Variants in LYPLA1 observed in about 807,000 individuals in gnomAD.
LYPLA1 encodes acyl-protein thioesterase 1.
In LYPLA1, 17 loss-of-function variants were observed where a neutral mutation model predicts 34.0. The observed-to-expected ratio is 0.50, with a 90% CI of 0.34 to 0.75. LYPLA1 has a LOEUF of 0.75. Among genes scored for constraint, LYPLA1 ranks in the 30% least tolerant of loss-of-function variants. LYPLA1 has a pLI of 0.01. For missense variants in LYPLA1, 203 were observed against 288.8 expected (o/e 0.70, Z 2.15); for synonymous variants, 98 against 100.8 (o/e 0.97, Z 0.17).
chr8:54,046,243 C>T (rs1321686022), downstream of LYPLA1: 1 of 152,036 alleles, frequency 6.6e-6, no homozygotes, highest in Non-Finnish European at 1.5e-5. Context: ...TCTAAGTCAA[C>T]CACACCATCA....
At chr8:54,052,966 C>T (rs919577248) in intron 6 of LYPLA1, 42 of 483,396 alleles carry the variant, frequency 8.7e-5, no homozygotes, top group Admixed American at 1.6e-4. Context: ...ACTTCCTTTC[C>T]GACGAGACAT....
intron 2 of LYPLA1, among the ~76,000 whole-genome samples, chr8:54,096,627 C>T (rs59277432): frequency 0.13 from 19,760 of 152,010 alleles, 3,407 homozygotes; most frequent in African/African-American, 0.4. Context: ...CCTGTAATCC[C>T]AGCTACTCAT....
chr8:54,057,617 A>T (rs1252539668), intron 5 of LYPLA1, among the ~76,000 whole-genome samples: 1 of 152,182 alleles, frequency 6.6e-6, no homozygotes, highest in Non-Finnish European at 1.5e-5. Flanking sequence ...AACTAACTGA[A>T]CTAACAGACA....
intron 2 of LYPLA1, among the ~76,000 whole-genome samples, chr8:54,074,003 G>A (rs1807692135): frequency 6.6e-6 from 1 of 152,162 alleles, no homozygotes; most frequent in African/African-American, 2.4e-5. Context: ...AGCCAGGTGT[G>A]GTGACTCATG....
At position 54,100,847 on chromosome 8, in the gene LYPLA1, G is replaced by A. The variant is rs928341252; in HGVS notation, c.101+61C>T. The A allele has an allele frequency of 3.9e-5, 53 of 1,372,800 alleles. No individual in the cohort carries two copies. In the Admixed American group the frequency reaches 4.2e-4, roughly 11 times the overall value. 85.0% of individuals were successfully genotyped at this position (1,372,800 alleles called of 1,614,324 possible). ...CCTTAAACATTAAACCTTTGAACGC[G>A]TAAACAAAAGTTGCATGACCCAGTT... On this transcript the variant is annotated intron_variant, in intron 2 of 8. Coordinates refer to ENST00000316963, the MANE Select transcript of LYPLA1 (RefSeq NM_006330.4).
At position 54,047,522 on chromosome 8, in the gene LYPLA1, T is replaced by C. The variant is rs1294845559; in HGVS notation, c.*543A>G. The C allele has an allele frequency of 1.1e-4, 17 of 152,106 alleles. No homozygotes were observed. Among genetic ancestry groups the C allele is most frequent in the Admixed American group, 5.9e-4 (9 of 15,278 alleles). The allele number at this position is 152,106 out of a possible 1,614,324, so 9.4% of individuals were successfully genotyped here. Reference sequence around the variant, plus strand: ...GAACGATTTTACTTTTTCTTGACAATAAACAGCATTATCCCTATTATTAGG... The same window carrying C: ...GAACGATTTTACTTTTTCTTGACAACAAACAGCATTATCCCTATTATTAGG... On this transcript the variant is annotated 3_prime_UTR_variant, in exon 9 of 9. Coordinates refer to ENST00000316963, the MANE Select transcript of LYPLA1 (RefSeq NM_006330.4).
chr8:54,045,265 T>C (rs1490398313), downstream of LYPLA1, among the ~76,000 whole-genome samples: 1 of 152,190 alleles, frequency 6.6e-6, no homozygotes, highest in African/African-American at 2.4e-5. Flanking sequence ...ATGGTACTTG[T>C]TAAGAGGATT....
intron 2 of LYPLA1, among the ~76,000 whole-genome samples, chr8:54,093,712 CA>C (rs1385393750): frequency 6.6e-6 from 1 of 152,134 alleles, no homozygotes; most frequent in East Asian, 1.9e-4. Context: ...ATTTGTCCAA[CA>C]AATACTTAGT....
At chr8:54,046,362 CAA>C (rs1406412287), downstream of LYPLA1, 1 of 152,492 alleles carries the variant, frequency 6.6e-6, no homozygotes, top group Non-Finnish European at 1.5e-5. Context: ...TTAAAATACT[CAA>C]AGTCACAGAA....
In LYPLA1 at chr8:54,065,781, C is replaced by A; in HGVS notation, c.134G>T (p.Arg45Ile). 2 of 1,613,944 alleles carry A rather than the reference C, an allele frequency of 1.2e-6. No homozygotes were observed. Among genetic ancestry groups the A allele is most frequent in the Non-Finnish European group, 1.7e-6 (2 of 1,179,898 alleles). Residue 45 changes from arginine to isoleucine, a missense_variant, in exon 3 of 9, where the codon AGA becomes ATA. Around this residue, in one of 3 missense-constraint regions of LYPLA1, gnomAD observed 75 missense variants for 73.5 expected, o/e 1.02. Coordinates refer to ENST00000316963, the MANE Select transcript of LYPLA1 (RefSeq NM_006330.4). ...HGWAEAFAGI[R>I]SSHIKYICPH... ...GCAGATATATTTGATATGTGAACTT[C>A]TGATACCTGCAAAGGCTTCTGCCCA...
intron 2 of LYPLA1, chr8:54,073,307 T>C: frequency 2.3e-6 from 2 of 867,816 alleles, no homozygotes; most frequent in Middle Eastern, 3.3e-4. Flanking sequence ...CCCCTCTCCT[T>C]CTATGGACGG....
intron 5 of LYPLA1, among the ~76,000 whole-genome samples, chr8:54,056,672 T>A (rs1282213521): frequency 6.6e-6 from 1 of 152,172 alleles, no homozygotes; most frequent in Non-Finnish European, 1.5e-5. Context: ...CCCAGCACTT[T>A]GGGAGACCGA....
At position 54,058,421 on chromosome 8, in the gene LYPLA1, G is replaced by A. The variant is rs530571276; in HGVS notation, c.287-3288C>T. 3.3e-5 allele frequency among the ~76,000 whole-genome samples: 5 copies of A among 152,250 alleles called. No homozygotes were observed. The South Asian group carries it at 1.0e-3, about 32-fold the overall frequency. On this transcript the variant is annotated intron_variant, in intron 5 of 8. Transcript: ENST00000316963. ...TAGCCGGGCATGGTGGCACAGGCCT[G>A]TAGTCCTAGCTACTTGGGAGGCTGA...
intron 2 of LYPLA1, among the ~76,000 whole-genome samples, chr8:54,080,271 G>A (rs13279277): frequency 6.6e-5 from 10 of 151,744 alleles, no homozygotes; most frequent in Non-Finnish European, 1.0e-4. Flanking sequence ...CAAGCTACTC[G>A]GGAGACTGAG....
chr8:54,045,745 T>A (rs1371383888), downstream of LYPLA1: 1 of 152,088 alleles, frequency 6.6e-6, no homozygotes, highest in African/African-American at 2.4e-5. Flanking sequence ...GACACTAATT[T>A]AAAAAACCCA....
chr8:54,054,976 G>A (rs1806105936), intron 6 of LYPLA1, 84 bp downstream of exon 6: 1 of 797,544 alleles, frequency 1.3e-6, no homozygotes, highest in Non-Finnish European at 2.1e-6. Context: ...CATCAAAAAA[G>A]ACTACTCTAT....
At chr8:54,093,150 C>T (rs1481635916) in intron 2 of LYPLA1, among the ~76,000 whole-genome samples, 2 of 152,294 alleles carry the variant, frequency 1.3e-5, no homozygotes, top group East Asian at 3.9e-4. Flanking sequence ...TGTGTCCACA[C>T]TGAGAATTAC....
rs1363350238 is a variant in LYPLA1 at position 54,101,916 on chromosome 8, C to T, written c.-93G>A. ...GAGCGGCGAGTCCCGGCCGGCCCCA[C>T]CGGGCGCACGCTCAGGCGCGTGCGC... On this transcript the variant is annotated 5_prime_UTR_variant, in exon 1 of 9. It adds an upstream start codon to the 5' untranslated region. Transcript: ENST00000316963. The T allele has an allele frequency of 2.9e-6, 2 of 696,962 alleles. No homozygotes were observed. Among genetic ancestry groups the T allele is most frequent in the East Asian group, 5.8e-5 (1 of 17,198 alleles). The allele number at this position is 696,962 out of a possible 1,614,324, so 43.2% of individuals were successfully genotyped here.
At chr8:54,084,745 T>C (rs1489941347) in intron 2 of LYPLA1, among the ~76,000 whole-genome samples, 2 of 152,110 alleles carry the variant, frequency 1.3e-5, no homozygotes, top group Admixed American at 1.3e-4. Context: ...GAAAAGATTA[T>C]AAGAGAACAG....
Sources: allele counts gnomAD v4.1 joint callset (sites outside exome capture counted in the v4.1 genomes callset), GRCh38; gene constraint gnomAD v4.1.1; regional missense constraint gnomAD v4.1.1; transcripts MANE v1.5; gene names NCBI Gene and HGNC (gene_info 2026-07-23, HGNC 2026-07-21).